Variants in GRM5 observed in about 807,000 individuals in gnomAD.
GRM5 encodes the protein metabotropic glutamate receptor 5.
GRM5 carries 19 observed loss-of-function variants against 83.1 expected under a neutral mutation model. The observed-to-expected ratio is 0.23, with a 90% confidence interval of 0.16 to 0.34. GRM5 has a LOEUF of 0.34. GRM5 is among the 10% of genes least tolerant of loss of function. The probability of loss-of-function intolerance (pLI) is 1.00; values close to 1 mark genes in which losing one functional copy is unlikely to be tolerated. For synonymous variants in GRM5, 675 were observed against 633.6 expected (o/e 1.07, Z -0.98); for missense variants, 1,160 against 1,588.3 (o/e 0.73, Z 4.58).
chr11:88,721,398 C>T lies in GRM5; in HGVS notation c.912-67995G>A, dbSNP rs184194316. 2.8e-3 allele frequency among the ~76,000 whole-genome samples: 430 copies of T among 152,100 alleles called. 1 individual carries two copies. Among genetic ancestry groups the T allele is most frequent in the African/African-American group, 9.9e-3 (410 of 41,520 alleles). On this transcript the variant is annotated intron_variant, in intron 3 of 9. Coordinates refer to ENST00000305447, the MANE Select transcript of GRM5 (RefSeq NM_001143831.3). ...TGCACTATTTCATATTTTATTGATT[C>T]TATTAACTGAAGAATATAGCACTGC...
chr11:88,872,562 G>A (rs1214330699), intron 2 of GRM5, among the ~76,000 whole-genome samples: 3 of 151,414 alleles, frequency 2.0e-5, no homozygotes, highest in African/African-American at 7.3e-5. Flanking sequence ...CTCTCCCACT[G>A]CAAGGAAGGG....
intron 4 of GRM5, among the ~76,000 whole-genome samples, chr11:88,620,033 T>A (rs1372253227): frequency 2.0e-5 from 3 of 152,226 alleles, no homozygotes; most frequent in African/African-American, 7.2e-5. Context: ...TACCATATTT[T>A]TTCTGCTGTG....
chr11:88,541,649 C>G (rs1275370861), intron 8 of GRM5, among the ~76,000 whole-genome samples: 2 of 152,260 alleles, frequency 1.3e-5, no homozygotes, highest in East Asian at 3.9e-4. Context: ...CACTTACTAG[C>G]TATATTGTTA....
intron 9 of GRM5, among the ~76,000 whole-genome samples, chr11:88,521,673 A>G (rs1416195482): frequency 6.6e-6 from 1 of 152,120 alleles, no homozygotes; most frequent in Non-Finnish European, 1.5e-5. Context: ...CACTGTGAAA[A>G]TATGAAAAGA....
At chr11:88,564,356 T>C (rs920264541) in intron 8 of GRM5, among the ~76,000 whole-genome samples, 2 of 152,256 alleles carry the variant, frequency 1.3e-5, no homozygotes, top group Non-Finnish European at 2.9e-5. Flanking sequence ...CGTTTTCTAG[T>C]GGTTGGCACT....
intron 7 of GRM5, among the ~76,000 whole-genome samples, chr11:88,589,354 T>C (rs1286292548): frequency 6.6e-6 from 1 of 152,146 alleles, no homozygotes; most frequent in Non-Finnish European, 1.5e-5. Context: ...CACAGTCTAA[T>C]GGCAAAAATA....
chr11:88,750,719 A>C (rs1430940294), intron 3 of GRM5, among the ~76,000 whole-genome samples: 1 of 152,160 alleles, frequency 6.6e-6, no homozygotes, highest in Non-Finnish European at 1.5e-5. Flanking sequence ...TTAAATCATA[A>C]CAAACAGTCT....
chr11:88,587,258 T>C (rs1378303379), intron 7 of GRM5, among the ~76,000 whole-genome samples: 1 of 152,098 alleles, frequency 6.6e-6, no homozygotes, highest in Non-Finnish European at 1.5e-5. Flanking sequence ...AAGTAACACC[T>C]GAACAGAGTA....
chr11:88,997,856 G>A (rs1287070914), intron 2 of GRM5, among the ~76,000 whole-genome samples: 2 of 152,012 alleles, frequency 1.3e-5, no homozygotes, highest in Non-Finnish European at 2.9e-5. Flanking sequence ...TGATTTCCCT[G>A]GAGAAATTTA....
At chr11:88,651,810 T>G (rs1939639841) in intron 4 of GRM5, among the ~76,000 whole-genome samples, 1 of 152,064 alleles carries the variant, frequency 6.6e-6, no homozygotes, top group Non-Finnish European at 1.5e-5. Flanking sequence ...AAATAGGAAC[T>G]GATATGAGAT....
intron 3 of GRM5, among the ~76,000 whole-genome samples, chr11:88,705,346 G>T (rs1591453266): frequency 6.6e-6 from 1 of 152,166 alleles, no homozygotes. Context: ...GATTTTAATG[G>T]CAGCCAGGCT....
At chr11:88,667,211 T>C (rs918111039) in intron 3 of GRM5, among the ~76,000 whole-genome samples, 6 of 151,896 alleles carry the variant, frequency 4.0e-5, no homozygotes, top group Non-Finnish European at 8.8e-5. Context: ...GACTGAAACA[T>C]GGAAAAACAC....
chr11:88,786,842 G>C (rs939409630), intron 3 of GRM5, among the ~76,000 whole-genome samples: 2 of 151,962 alleles, frequency 1.3e-5, no homozygotes, highest in Admixed American at 1.3e-4. Flanking sequence ...AGGGGCTTCT[G>C]TTCGTTTTGC....
At chr11:88,958,595 T>C (rs1221381151) in intron 2 of GRM5, among the ~76,000 whole-genome samples, 1 of 152,086 alleles carries the variant, frequency 6.6e-6, no homozygotes, top group Non-Finnish European at 1.5e-5. Context: ...CTGATACCTA[T>C]TAGATAAATC....
intron 1 of GRM5, among the ~76,000 whole-genome samples, chr11:89,061,745 T>G (rs1240823759): frequency 6.6e-6 from 1 of 152,140 alleles, no homozygotes; most frequent in Non-Finnish European, 1.5e-5. Flanking sequence ...GTGAAAAACT[T>G]GGATTATTCA....
intron 3 of GRM5, among the ~76,000 whole-genome samples, chr11:88,834,563 G>A (rs1944057136): frequency 6.6e-6 from 1 of 151,678 alleles, no homozygotes; most frequent in Non-Finnish European, 1.5e-5. Context: ...CCCTGCCTTT[G>A]AAAGGAAATA....
rs538722105 is a variant in GRM5 at position 88,745,267 on chromosome 11, C to T, written c.912-91864G>A. On this transcript the variant is annotated intron_variant, in intron 3 of 9. Coordinates refer to ENST00000305447, the MANE Select transcript of GRM5 (RefSeq NM_001143831.3). ...CCAGGCTGGAGTGCAGTGGTACAAT[C>T]ACAGCTCACTGCAACCTCAACCCTT... Among the ~76,000 whole-genome samples the T allele has an allele frequency of 2.0e-5, 3 of 147,882 alleles. No individual in the cohort carries two copies. The Admixed American group carries it at 2.1e-4, about 10-fold the overall frequency.
At chr11:88,902,856 C>T (rs113582145) in intron 2 of GRM5, among the ~76,000 whole-genome samples, 5,173 of 141,756 alleles carry the variant, frequency 0.036, 241 homozygotes, top group Admixed American at 0.16. Context: ...GAGGTTGAGG[C>T]AGAAGAATCG....
At chr11:88,707,594 T>C (rs1941192301) in intron 3 of GRM5, among the ~76,000 whole-genome samples, 1 of 152,134 alleles carries the variant, frequency 6.6e-6, no homozygotes, top group Admixed American at 6.6e-5. Context: ...GTGTGTAGGT[T>C]ATATGCAAAT....
Sources: gnomAD v4.1 joint callset for allele counts (sites outside exome capture counted in the v4.1 genomes callset) on GRCh38, gnomAD v4.1.1 for gene constraint, MANE v1.5 for transcripts, NCBI Gene and HGNC (gene_info 2026-07-23, HGNC 2026-07-21) for gene names.